Variants in TLK1 observed in about 807,000 individuals in gnomAD.
The protein encoded by TLK1 is tousled like kinase 1, also known as serine/threonine-protein kinase tousled-like 1.
TLK1 carries 24 observed loss-of-function variants against 105.3 expected under a neutral mutation model. That is an observed-to-expected ratio of 0.23 (90% CI 0.17 to 0.32). The LOEUF (loss-of-function observed/expected upper bound fraction) is 0.32, where lower values mean the gene tolerates loss of function less well. Among genes scored for constraint, TLK1 ranks in the 10% least tolerant of loss-of-function variants. TLK1 has a pLI of 1.00. For missense variants in TLK1, 558 were observed against 910.5 expected (o/e 0.61, Z 4.98); for synonymous variants, 321 against 310.4 (o/e 1.03, Z -0.36).
intron 3 of TLK1, among the ~76,000 whole-genome samples, chr2:171,067,414 G>A (rs1688052495): frequency 6.6e-6 from 1 of 151,886 alleles, no homozygotes; most frequent in Non-Finnish European, 1.5e-5. Flanking sequence ...ACCCGCCTCG[G>A]CCTCCCAAAG....
At chr2:171,060,089 T>C in intron 4 of TLK1, 3 of 1,525,670 alleles carry the variant, frequency 2.0e-6, no homozygotes, top group South Asian at 2.5e-5. Context: ...CAAATATAAG[T>C]GAGGAAGGTG....
At chr2:171,129,975 T>G (rs1052020944) in intron 1 of TLK1, among the ~76,000 whole-genome samples, 1 of 152,230 alleles carries the variant, frequency 6.6e-6, no homozygotes, top group Non-Finnish European at 1.5e-5. Flanking sequence ...CCTCGTAAGA[T>G]TCCTAAAATT....
intron 1 of TLK1, 35 bp from the exon 2 acceptor site, chr2:171,117,892 ATATG>A (rs1285671853): frequency 7.0e-7 from 1 of 1,422,230 alleles, no homozygotes; most frequent in Non-Finnish European, 9.7e-7. Context: ...GTACACATAT[ATATG>A]TGTGTATACT....
intron 1 of TLK1, among the ~76,000 whole-genome samples, chr2:171,210,332 C>T (rs969511008): frequency 4.0e-5 from 6 of 150,926 alleles, no homozygotes; most frequent in East Asian, 3.9e-4. Flanking sequence ...GGCTAGAATG[C>T]GGCTATAGGA....
intron 2 of TLK1, among the ~76,000 whole-genome samples, chr2:171,083,488 C>T (rs1050391265): frequency 1.4e-4 from 21 of 152,154 alleles, no homozygotes; most frequent in African/African-American, 5.1e-4. Flanking sequence ...TTCCAATACG[C>T]TTCTATGATA....
chr2:171,004,625 TGAGA>T (rs764127962), intron 18 of TLK1, among the ~76,000 whole-genome samples: 8 of 151,952 alleles, frequency 5.3e-5, no homozygotes, highest in Non-Finnish European at 8.8e-5. Flanking sequence ...GAAGCCAGAG[TGAGA>T]GAGAAACAAA....
Position 171,140,068 on chromosome 2 carries a change from G to A in TLK1, c.139+20222C>T, listed in dbSNP as rs554557953. On this transcript the variant is annotated intron_variant, in intron 1 of 20. Transcript: ENST00000431350. The stretch of plus-strand genomic sequence containing the variant: ...TGTGGCTCATTCCTCACAGGATAGC[G>A]ACCAGTACAGGTATGCAGCCCTGGT... Among the ~76,000 whole-genome samples the A allele has an allele frequency of 3.9e-5, 6 of 152,236 alleles. No individual in the cohort carries two copies. In the South Asian group the frequency reaches 8.3e-4, roughly 21 times the overall value.
At chr2:171,158,347 C>T (rs1035174797) in intron 1 of TLK1, among the ~76,000 whole-genome samples, 2 of 152,128 alleles carry the variant, frequency 1.3e-5, no homozygotes, top group South Asian at 2.1e-4. Flanking sequence ...GTAATCTAAA[C>T]TGCCGGAAAA....
intron 1 of TLK1, among the ~76,000 whole-genome samples, chr2:171,204,883 G>A (rs980575644): frequency 5.9e-5 from 9 of 152,062 alleles, no homozygotes; most frequent in Admixed American, 4.6e-4. Context: ...ACTTGAACCC[G>A]GGATTCGGAG....
intron 2 of TLK1, among the ~76,000 whole-genome samples, chr2:171,090,554 T>C (rs185083200): frequency 6.6e-6 from 1 of 152,350 alleles, no homozygotes; most frequent in Non-Finnish European, 1.5e-5. Flanking sequence ...CCTATGCTAT[T>C]TATTTGAACG....
At position 170,992,636 on chromosome 2, in the gene TLK1, T is replaced by C. The variant is rs1282957152; in HGVS notation, c.*1144A>G. The C allele has an allele frequency of 6.6e-6, 1 of 152,560 alleles. No homozygotes were observed. The highest frequency in any genetic ancestry group is 2.4e-5 in the African/African-American group (1 of 41,442). The allele number at this position is 152,560 out of a possible 1,614,324, so 9.5% of individuals were successfully genotyped here. On this transcript the variant is annotated 3_prime_UTR_variant, in exon 21 of 21. Coordinates refer to ENST00000431350, the MANE Select transcript of TLK1 (RefSeq NM_012290.5). ...CAATAAACTGATTTAAAAACTCAAT[T>C]ATGTCCAACATGGATCACTTTTACA...
intron 1 of TLK1, among the ~76,000 whole-genome samples, chr2:171,201,938 T>C (rs537950981): frequency 6.6e-6 from 1 of 150,944 alleles, no homozygotes; most frequent in South Asian, 2.1e-4. Context: ...TCTATCTATC[T>C]ATCTATCATC....
intron 2 of TLK1, 57 bp downstream of exon 2, chr2:171,117,678 ACTAT>A: frequency 7.6e-7 from 1 of 1,315,836 alleles, no homozygotes; most frequent in South Asian, 1.3e-5. Context: ...TCCTTTACAT[ACTAT>A]TTTAGATCAT....
At chr2:171,165,547 CTT>C (rs1491328634), upstream of TLK1, among the ~76,000 whole-genome samples, 3 of 134,620 alleles carry the variant, frequency 2.2e-5, no homozygotes, top group Non-Finnish European at 4.7e-5. Flanking sequence ...ATTTTATACT[CTT>C]AACTTCTAAA....
Position 171,061,250 on chromosome 2 carries a change from T to G in TLK1, c.331-94A>C, listed in dbSNP as rs755785143. On this transcript the variant is annotated intron_variant, in intron 3 of 20. Coordinates refer to ENST00000431350, the MANE Select transcript of TLK1 (RefSeq NM_012290.5). ...AAACCATGTTTCGAGACCAAAAAAA[T>G]AGCATTCAGTAGTGCTCAAGAGATG... 4 of 1,042,844 alleles carry G rather than the reference T, an allele frequency of 3.8e-6. 1 individual carries two copies. The highest frequency in any genetic ancestry group is 2.8e-5 in the South Asian group (2 of 72,034). 64.6% of individuals were successfully genotyped at this position (1,042,844 alleles called of 1,614,324 possible). A position where few individuals can be genotyped will look rare whatever the true frequency, so the allele number is the denominator to read the frequency against.
At chr2:171,012,754 G>C (rs923899275) in intron 13 of TLK1, among the ~76,000 whole-genome samples, 29 of 152,052 alleles carry the variant, frequency 1.9e-4, no homozygotes, top group Non-Finnish European at 3.4e-4. Flanking sequence ...TGCGATTTCA[G>C]GTGTGAGCCA....
chr2:171,224,586 T>C (rs4668375), intron 1 of TLK1, among the ~76,000 whole-genome samples: 108,492 of 152,064 alleles, frequency 0.71, 39,806 homozygotes, highest in Middle Eastern at 0.84. Context: ...CCCATGTTCA[T>C]GGATCTGAAG....
Position 171,018,298 on chromosome 2 carries a change from T to C in TLK1, c.1237-3350A>G, listed in dbSNP as rs1339059030. On this transcript the variant is annotated intron_variant, in intron 12 of 20. Transcript: ENST00000431350. ...AACTAAACTCTGCCTGATCTTGTCA[T>C]GGACTTCTAGAATACATTTCTGTTG... Among the ~76,000 whole-genome samples the C allele has an allele frequency of 2.6e-5, 4 of 152,356 alleles. No individual in the cohort carries two copies. In the East Asian group the frequency reaches 7.7e-4, roughly 29 times the overall value.
chr2:171,177,865 C>T (rs1692858841), intron 1 of TLK1, among the ~76,000 whole-genome samples: 1 of 152,134 alleles, frequency 6.6e-6, no homozygotes, highest in Non-Finnish European at 1.5e-5. Context: ...GTGATCTTGG[C>T]TCACCGCAAC....
Sources: allele counts gnomAD v4.1 joint callset (sites outside exome capture counted in the v4.1 genomes callset), GRCh38; gene constraint gnomAD v4.1.1; transcripts MANE v1.5; gene names NCBI Gene and HGNC (gene_info 2026-07-23, HGNC 2026-07-21).